Variants in AFF3 observed in about 807,000 individuals in gnomAD.
AFF3 encodes AF4/FMR2 family member 3.
Under a neutral mutation model 129.7 loss-of-function variants are expected in AFF3, and 32 were observed. The observed-to-expected ratio is 0.25, with a 90% CI of 0.19 to 0.33. The LOEUF (loss-of-function observed/expected upper bound fraction) is 0.33. AFF3 is among the 10% of genes least tolerant of loss of function. The pLI, the probability that AFF3 is intolerant of heterozygous loss-of-function variation, is 1.00. For missense variants in AFF3, 1,373 were observed against 1,592.0 expected, an observed-to-expected ratio of 0.86 and a Z score of 2.34; for synonymous variants, 644 against 635.4, an observed-to-expected ratio of 1.01 and a Z score of -0.20.
intron 13 of AFF3, among the ~76,000 whole-genome samples, chr2:99,641,855 G>T (rs1684228546): frequency 6.6e-6 from 1 of 152,170 alleles, no homozygotes. Flanking sequence ...GTTCTAAGGA[G>T]ATCTATGACT....
At chr2:99,954,096 C>G (rs1183326019) in intron 7 of AFF3, among the ~76,000 whole-genome samples, 1 of 152,082 alleles carries the variant, frequency 6.6e-6, no homozygotes, top group East Asian at 1.9e-4. Flanking sequence ...TGATATGGAT[C>G]CTTTACCACT....
chr2:99,643,054 G>GGT (rs1684353544), intron 13 of AFF3, among the ~76,000 whole-genome samples: 2 of 114,134 alleles, frequency 1.8e-5, no homozygotes, highest in Non-Finnish European at 3.6e-5. Flanking sequence ...ATACTTAAAA[G>GGT]ATTTTTTTTT....
intron 1 of AFF3, among the ~76,000 whole-genome samples, chr2:100,135,089 G>A (rs1469348041): frequency 6.6e-6 from 1 of 152,198 alleles, no homozygotes; most frequent in South Asian, 2.1e-4. Context: ...CTCTACTGGA[G>A]CAGTACCACA....
At chr2:99,579,377 C>T (rs1250336856) in intron 17 of AFF3, among the ~76,000 whole-genome samples, 4 of 149,244 alleles carry the variant, frequency 2.7e-5, no homozygotes, top group Admixed American at 6.8e-5. Context: ...TGCACTCCAG[C>T]CTGGGCAACA....
At chr2:100,030,330 C>T (rs550598525) in intron 4 of AFF3, among the ~76,000 whole-genome samples, 3 of 152,136 alleles carry the variant, frequency 2.0e-5, no homozygotes, top group Admixed American at 6.5e-5. Context: ...AATAAAACAA[C>T]GAGATACCGC....
At chr2:100,067,532 A>G (rs979594704) in intron 4 of AFF3, among the ~76,000 whole-genome samples, 13 of 152,234 alleles carry the variant, frequency 8.5e-5, no homozygotes, top group African/African-American at 2.9e-4. Context: ...AAACAGCAAC[A>G]ACGACAACAA....
At chr2:99,763,425 G>A (rs551132603) in intron 8 of AFF3, among the ~76,000 whole-genome samples, 1 of 152,286 alleles carries the variant, frequency 6.6e-6, no homozygotes, top group South Asian at 2.1e-4. Context: ...GCTCACGCCT[G>A]TAATCCCAGC....
At chr2:99,774,677 G>T (rs900712236) in intron 8 of AFF3, among the ~76,000 whole-genome samples, 2 of 152,092 alleles carry the variant, frequency 1.3e-5, no homozygotes, top group Non-Finnish European at 2.9e-5. Context: ...CAGGACATAG[G>T]CATGAGCAAA....
At chr2:100,125,705 G>A (rs905588363) in intron 2 of AFF3, among the ~76,000 whole-genome samples, 4 of 152,156 alleles carry the variant, frequency 2.6e-5, no homozygotes, top group Non-Finnish European at 4.4e-5. Context: ...CCTTGGGGAG[G>A]GGAATGTAGG....
chr2:99,650,286 C>T (rs1012455338), intron 12 of AFF3, among the ~76,000 whole-genome samples: 10 of 152,036 alleles, frequency 6.6e-5, no homozygotes, highest in African/African-American at 9.7e-5. Context: ...GGGCTGGGTG[C>T]GGTGGCTCAC....
chr2:99,586,089 C>G (rs1678085935), intron 16 of AFF3, among the ~76,000 whole-genome samples: 1 of 152,240 alleles, frequency 6.6e-6, no homozygotes, highest in East Asian at 1.9e-4. Context: ...ATATTCCTCA[C>G]TGCTTAGAAA....
At chr2:99,618,358 C>T (rs1419257793) in intron 13 of AFF3, among the ~76,000 whole-genome samples, 4 of 146,672 alleles carry the variant, frequency 2.7e-5, no homozygotes, top group African/African-American at 5.0e-5. Context: ...TCCTCAGCTT[C>T]CTGAGTAGCT....
intron 4 of AFF3, among the ~76,000 whole-genome samples, chr2:100,047,522 A>C (rs1256106337): frequency 6.6e-6 from 1 of 152,252 alleles, no homozygotes. Context: ...TAAACTCCAG[A>C]CAATCTGAAT....
chr2:99,750,554 A>T (rs190441721), intron 9 of AFF3, among the ~76,000 whole-genome samples: 34 of 151,992 alleles, frequency 2.2e-4, no homozygotes, highest in Non-Finnish European at 4.0e-4. Context: ...AGTAGCTGGG[A>T]CTACAGGTGT....
At chr2:99,675,975 C>A (rs1218159341) in intron 11 of AFF3, among the ~76,000 whole-genome samples, 2 of 148,246 alleles carry the variant, frequency 1.3e-5, no homozygotes, top group Non-Finnish European at 3.0e-5. Flanking sequence ...GGGTGGAGAT[C>A]TCCTACTGTT....
intron 15 of AFF3, among the ~76,000 whole-genome samples, chr2:99,592,333 C>T (rs1678766583): frequency 6.6e-6 from 1 of 152,166 alleles, no homozygotes. Context: ...TTTCAGGGCC[C>T]CTCCACCATG....
rs564074462 is a variant in AFF3, at chr2:99,859,716, T to G, written c.874-22192A>C. Among the ~76,000 whole-genome samples, 18 of 152,362 alleles carry G rather than the reference T, an allele frequency of 1.2e-4. No homozygotes were observed. In the East Asian group the frequency reaches 3.3e-3, roughly 28 times the overall value. ...AAAAAAGTACTCTTGGTACAGAATA[T>G]TTTCAAAGCCTTTGTCTGAACAAGA... On this transcript the variant is annotated intron_variant, in intron 7 of 24. Transcript: ENST00000672756.
chr2:99,880,020 A>G (rs1001422687), intron 7 of AFF3, among the ~76,000 whole-genome samples: 1 of 152,232 alleles, frequency 6.6e-6, no homozygotes, highest in Non-Finnish European at 1.5e-5. Context: ...CAGACCAATA[A>G]GTCAAAGCTG....
chr2:99,954,954 G>T (rs1305860832), intron 7 of AFF3, among the ~76,000 whole-genome samples: 3 of 151,528 alleles, frequency 2.0e-5, no homozygotes, highest in African/African-American at 4.8e-5. Context: ...AGAAAATATT[G>T]CTGGACTTTG....
Sources: allele counts gnomAD v4.1 joint callset (sites outside exome capture counted in the v4.1 genomes callset), GRCh38; gene constraint gnomAD v4.1.1; transcripts MANE v1.5; gene names NCBI Gene and HGNC (gene_info 2026-07-23, HGNC 2026-07-21).